Variants in SOS2 observed in about 807,000 individuals in gnomAD.
SOS2 encodes son of sevenless homolog 2.
SOS2 carries 65 observed loss-of-function variants against 148.2 expected under a neutral mutation model. That is an observed-to-expected ratio of 0.44 (90% CI 0.36 to 0.54). The LOEUF (loss-of-function observed/expected upper bound fraction) is 0.54, where lower values mean the gene tolerates loss of function less well. Ranked by LOEUF, SOS2 falls within the 20% of genes least tolerant of loss-of-function variation. SOS2 has a pLI of 0.00. For synonymous variants in SOS2, 539 were observed against 537.1 expected, an observed-to-expected ratio of 1.00 and a Z score of -0.05; for missense variants, 1,341 against 1,590.2, an observed-to-expected ratio of 0.84 and a Z score of 2.67.
chr14:50,157,030 G>C lies in SOS2; in HGVS notation c.2026C>G (p.Arg676Gly). 1 of 1,609,266 alleles carries C rather than the reference G, an allele frequency of 6.2e-7. No homozygotes were observed. The highest frequency in any genetic ancestry group is 8.5e-7 in the Non-Finnish European group (1 of 1,177,274). The change falls in exon 12 of 23, where the codon CGC (arginine) becomes GGC (glycine). Residue 676 changes from arginine to glycine, a missense_variant. Physicochemically the swap from Arg to Gly is moderately radical, Grantham distance 125. Transcript: ENST00000216373. ...QPISADLKRF[R>G]KEYVQPVQLR... ...TGTACTGGTTGGACATATTCCTTGC[G>C]AAATCTTTTAAGGTCTGCACTGATT...
chr14:50,212,350 T>C (rs780306073), intron 1 of SOS2, among the ~76,000 whole-genome samples: 1 of 152,198 alleles, frequency 6.6e-6, no homozygotes, highest in Non-Finnish European at 1.5e-5. Flanking sequence ...GGTGCACACC[T>C]GTAGTCCCAG....
At chr14:50,199,142 G>A (rs1017025548) in intron 4 of SOS2, among the ~76,000 whole-genome samples, 15 of 152,176 alleles carry the variant, frequency 9.9e-5, no homozygotes, top group African/African-American at 3.6e-4. Context: ...GACAAAGTGA[G>A]ACCTTGTCTC....
intron 12 of SOS2, among the ~76,000 whole-genome samples, chr14:50,155,148 G>C (rs181310480): frequency 1.6e-3 from 243 of 151,980 alleles, no homozygotes; most frequent in African/African-American, 5.5e-3. Flanking sequence ...TGGGTTTATG[G>C]GTGTTCATTG....
At chr14:50,126,975 G>A (rs1025884430) in intron 21 of SOS2, among the ~76,000 whole-genome samples, 2 of 151,694 alleles carry the variant, frequency 1.3e-5, no homozygotes, top group Non-Finnish European at 2.9e-5. Context: ...AGAATAAAGA[G>A]AATGCCTTAA....
chr14:50,191,862 C>CA, intron 4 of SOS2, among the ~76,000 whole-genome samples: 1 of 151,732 alleles, frequency 6.6e-6, no homozygotes, highest in East Asian at 1.9e-4. Flanking sequence ...GCAAATAATT[C>CA]AAAAATTTAA....
chr14:50,145,364 A>C, intron 15 of SOS2, 32 bp from the exon 16 acceptor site: 1 of 1,580,486 alleles, frequency 6.3e-7, no homozygotes, highest in Non-Finnish European at 8.6e-7. Context: ...GGCTTAGAAA[A>C]GTTTCTTCAC....
intron 8 of SOS2, among the ~76,000 whole-genome samples, chr14:50,167,148 A>G (rs1302524864): frequency 3.3e-5 from 5 of 152,206 alleles, no homozygotes; most frequent in South Asian, 2.1e-4. Context: ...AACACATAAG[A>G]AAGTTAACTG....
chr14:50,146,924 G>C (rs1036226989), intron 14 of SOS2, among the ~76,000 whole-genome samples: 2 of 152,132 alleles, frequency 1.3e-5, no homozygotes, highest in African/African-American at 4.8e-5. Context: ...CTGAGGTGCA[G>C]TGGTGCGCAC....
In SOS2 at chr14:50,134,135, C is replaced by T. The variant is rs1193835953; in HGVS notation, c.3063G>A (p.Gln1021=). ...SLEIEPRNCK[Q]PPRFPRKSTF... ...ATAAAAGACTTACAAATCGAGGTGG[C>T]TGTTTGCAGTTTCGAGGTTCAATTT... is the stretch of plus-strand genomic sequence containing the variant. Residue 1021 remains glutamine, a synonymous_variant, in exon 19 of 23, where the codon CAG becomes CAA. Coordinates refer to ENST00000216373, the MANE Select transcript of SOS2 (RefSeq NM_006939.4). 4 of 1,534,050 alleles carry T rather than the reference C, an allele frequency of 2.6e-6. No homozygotes were observed. The highest frequency in any genetic ancestry group is 3.6e-6 in the Non-Finnish European group (4 of 1,110,296).
intron 8 of SOS2, among the ~76,000 whole-genome samples, chr14:50,162,097 G>A (rs1384728854): frequency 6.7e-6 from 1 of 150,084 alleles, no homozygotes; most frequent in Non-Finnish European, 1.5e-5. Flanking sequence ...AAACTAACAT[G>A]AGCATAGTAA....
At chr14:50,142,267 C>T (rs1884321013) in intron 16 of SOS2, among the ~76,000 whole-genome samples, 2 of 152,092 alleles carry the variant, frequency 1.3e-5, no homozygotes, top group South Asian at 4.1e-4. Flanking sequence ...CTCAGCCTCC[C>T]AAAGTGTTGG....
intron 1 of SOS2, among the ~76,000 whole-genome samples, chr14:50,225,238 A>G (rs978478626): frequency 1.3e-5 from 2 of 152,194 alleles, no homozygotes; most frequent in African/African-American, 4.8e-5. Context: ...TACAGGCATG[A>G]GCTACTGCAC....
intron 14 of SOS2, among the ~76,000 whole-genome samples, chr14:50,147,332 A>T (rs539754711): frequency 2.0e-5 from 3 of 151,816 alleles, no homozygotes; most frequent in Non-Finnish European, 4.4e-5. Flanking sequence ...ACATAGCAAG[A>T]CCTCATCTCT....
In SOS2 at chr14:50,163,365, T is replaced by C. The variant is rs927238679; in HGVS notation, c.1069-1756A>G. On this transcript the variant is annotated intron_variant, in intron 8 of 22. Coordinates refer to ENST00000216373, the MANE Select transcript of SOS2 (RefSeq NM_006939.4). ...TCAAAAGCATTCAGCAATGGTTCCC[T>C]TTCCTCAGCAAAGAACTAACTGGCT... Among the ~76,000 whole-genome samples the C allele has an allele frequency of 6.6e-5, 10 of 152,266 alleles. No homozygotes were observed. The South Asian group carries it at 1.2e-3, about 19-fold the overall frequency.
At chr14:50,168,767 G>T (rs1438211554) in intron 8 of SOS2, among the ~76,000 whole-genome samples, 3 of 152,144 alleles carry the variant, frequency 2.0e-5, no homozygotes, top group African/African-American at 4.8e-5. Context: ...TAAGAAAGAA[G>T]GCTGGACTAG....
chr14:50,122,506 C>A (rs537127129), intron 21 of SOS2, among the ~76,000 whole-genome samples: 1 of 142,598 alleles, frequency 7.0e-6, no homozygotes, highest in African/African-American at 2.6e-5. Context: ...AGTCTTAAAG[C>A]AGCCTTCCTC....
Position 50,153,059 on chromosome 14 carries a change from A to T in SOS2, c.2161+11T>A. 2 of 1,331,856 alleles carry T rather than the reference A, an allele frequency of 1.5e-6. No individual in the cohort carries two copies. Among genetic ancestry groups the T allele is most frequent in the African/African-American group, 1.5e-5 (1 of 68,422 alleles). 82.5% of individuals were successfully genotyped at this position (1,331,856 alleles called of 1,614,324 possible). On this transcript the variant is annotated intron_variant, in intron 13 of 22. Coordinates refer to ENST00000216373, the MANE Select transcript of SOS2 (RefSeq NM_006939.4). Reference sequence around the variant, plus strand: ...CAATATAAGATTCAATCAAACCTTTATATAATATACCTCTTACACTTGAAA... The same window carrying T: ...CAATATAAGATTCAATCAAACCTTTTTATAATATACCTCTTACACTTGAAA...
At position 50,120,436 on chromosome 14, in the gene SOS2, T is replaced by C. The variant is rs373593203; in HGVS notation, c.3380-52A>G. 1.6e-3 allele frequency: 1,357 copies of C among 836,430 alleles called. 2 individuals carry two copies. The highest frequency in any genetic ancestry group is 2.6e-3 in the Admixed American group (112 of 43,788). 51.8% of individuals were successfully genotyped at this position (836,430 alleles called of 1,614,324 possible). On this transcript the variant is annotated intron_variant, in intron 21 of 22. Coordinates refer to ENST00000216373, the MANE Select transcript of SOS2 (RefSeq NM_006939.4). ...CACAATTCACAGTATAAGATAAACC[T>C]TTATCACAATTTGTGATCGATACTT...
In SOS2 at chr14:50,226,899, C is replaced by T. The variant is rs138095609; in HGVS notation, c.87+4298G>A. On this transcript the variant is annotated intron_variant, in intron 1 of 22. Coordinates refer to ENST00000216373, the MANE Select transcript of SOS2 (RefSeq NM_006939.4). The stretch of plus-strand genomic sequence containing the variant: ...TGCATATAGTACCAAGGGATTTCAA[C>T]GACACAGGTAATAAACTGCATTTAC... 6.1e-4 allele frequency among the ~76,000 whole-genome samples: 93 copies of T among 152,290 alleles called. 3 individuals carry two copies. The highest frequency in any genetic ancestry group is 3.1e-3 in the Admixed American group (47 of 15,282).
Sources: allele counts gnomAD v4.1 joint callset (sites outside exome capture counted in the v4.1 genomes callset), GRCh38; gene constraint gnomAD v4.1.1; transcripts MANE v1.5; gene names NCBI Gene and HGNC (gene_info 2026-07-23, HGNC 2026-07-21).